Variants in PAK3 observed in about 807,000 individuals in gnomAD.
PAK3 encodes the protein serine/threonine-protein kinase PAK 3.
PAK3 carries 4 observed loss-of-function variants against 41.0 expected under a neutral mutation model. The observed-to-expected ratio is 0.10, with a 90% CI of 0.05 to 0.22. PAK3 has a LOEUF of 0.22. Ranked by LOEUF, PAK3 falls within the 10% of genes least tolerant of loss-of-function variation. The pLI is 1.00. For missense variants in PAK3, 205 were observed against 409.9 expected, an observed-to-expected ratio of 0.50 and a Z score of 4.32; for synonymous variants, 146 against 139.6, an observed-to-expected ratio of 1.05 and a Z score of -0.32.
At chrX:110,987,420 G>T (rs747416030) in intron 1 of PAK3, among the ~76,000 whole-genome samples, 80 of 111,250 alleles carry the variant, frequency 7.2e-4, no homozygotes, top group Admixed American at 2.7e-3. Flanking sequence ...TCCCTTAAAG[G>T]GAACTAGACC....
chrX:111,132,846 G>C (rs139286551), intron 5 of PAK3, among the ~76,000 whole-genome samples: 1,848 of 111,366 alleles, frequency 0.017, 41 homozygotes, highest in African/African-American at 0.056. Flanking sequence ...ATGAGACAAG[G>C]TTCCCTATCC....
intron 8 of PAK3, among the ~76,000 whole-genome samples, chrX:111,161,487 A>T (rs1200807407): frequency 9.1e-6 from 1 of 110,292 alleles, no homozygotes; most frequent in African/African-American, 3.4e-5. Context: ...CCCATTTGTC[A>T]ATTTTGGCTT....
chrX:111,018,123 C>A (rs1381114803), intron 1 of PAK3, among the ~76,000 whole-genome samples: 2 of 111,353 alleles, frequency 1.8e-5, no homozygotes, highest in Non-Finnish European at 3.8e-5. Flanking sequence ...AAACCTACAG[C>A]TAACATCATG....
intron 4 of PAK3, among the ~76,000 whole-genome samples, chrX:111,119,085 G>A (rs1049007253): frequency 1.2e-4 from 13 of 111,134 alleles, no homozygotes; most frequent in African/African-American, 4.3e-4. Context: ...GGGGAGAAAG[G>A]GAGAGAGAAA....
At chrX:111,122,123 G>T (rs1161991511) in intron 4 of PAK3, among the ~76,000 whole-genome samples, 4 of 107,526 alleles carry the variant, frequency 3.7e-5, no homozygotes, top group Admixed American at 2.0e-4. Context: ...GGGCGTGGTG[G>T]TGGGTGCCTG....
At chrX:111,030,165 AAT>A (rs759520320) in intron 1 of PAK3, among the ~76,000 whole-genome samples, 70 of 111,854 alleles carry the variant, frequency 6.3e-4, no homozygotes, top group Non-Finnish European at 1.2e-3. Context: ...TAAATGATAA[AAT>A]ATATGAGTAT....
chrX:110,995,779 C>T (rs986630597), intron 1 of PAK3, among the ~76,000 whole-genome samples: 6 of 111,050 alleles, frequency 5.4e-5, no homozygotes, highest in Non-Finnish European at 9.4e-5. Flanking sequence ...TCCCCTTGCC[C>T]CCTGTGCACC....
intron 1 of PAK3, among the ~76,000 whole-genome samples, chrX:110,985,770 T>C (rs1055095778): frequency 2.7e-5 from 3 of 112,520 alleles, no homozygotes; most frequent in African/African-American, 9.7e-5. Flanking sequence ...TATTTCCTAG[T>C]ATAGAATTAT....
chrX:111,082,953 G>A (rs967101902), intron 1 of PAK3, among the ~76,000 whole-genome samples: 1 of 111,967 alleles, frequency 8.9e-6, no homozygotes, highest in Non-Finnish European at 1.9e-5. Flanking sequence ...GAAAATAAAA[G>A]GTTGTTCATT....
intron 1 of PAK3, among the ~76,000 whole-genome samples, chrX:110,961,822 C>T (rs1602549055): frequency 8.9e-6 from 1 of 112,068 alleles, no homozygotes; most frequent in Non-Finnish European, 1.9e-5. Context: ...CCAGTGATTT[C>T]CCAAGTGACA....
At chrX:111,166,364 C>T (rs1181234682) in intron 10 of PAK3, among the ~76,000 whole-genome samples, 1 of 111,730 alleles carries the variant, frequency 9.0e-6, no homozygotes, top group Non-Finnish European at 1.9e-5. Flanking sequence ...AGTACACTGG[C>T]ACAATCATGG....
intron 1 of PAK3, among the ~76,000 whole-genome samples, chrX:111,084,401 C>T (rs2092861500): frequency 1.8e-5 from 2 of 112,380 alleles, no homozygotes; most frequent in African/African-American, 3.2e-5. Flanking sequence ...TTTCTCTGTG[C>T]TTTATAAGGA....
At chrX:110,948,723 T>G (rs1376175670) in intron 1 of PAK3, among the ~76,000 whole-genome samples, 1 of 110,959 alleles carries the variant, frequency 9.0e-6, no homozygotes, top group Non-Finnish European at 1.9e-5. Flanking sequence ...CGTCAAGACA[T>G]TCGGGTTGCT....
chrX:111,017,152 CACACCT>C (rs2092104648), intron 1 of PAK3, among the ~76,000 whole-genome samples: 1 of 111,443 alleles, frequency 9.0e-6, no homozygotes, highest in South Asian at 3.7e-4. Flanking sequence ...AACCTAACTT[CACACCT>C]TAAGGAATTA....
intron 10 of PAK3, among the ~76,000 whole-genome samples, chrX:111,167,138 C>G (rs141000085): frequency 0.051 from 5,654 of 111,030 alleles, 381 homozygotes; most frequent in African/African-American, 0.18. Flanking sequence ...TATTTTTCAG[C>G]ATAAAAATGG....
At chrX:111,164,097 ACAGT>A (rs765455217) in intron 10 of PAK3, among the ~76,000 whole-genome samples, 8 of 111,696 alleles carry the variant, frequency 7.2e-5, no homozygotes, top group Non-Finnish European at 1.3e-4. Context: ...AAAGCCCAAC[ACAGT>A]CAATCAAAAC....
intron 5 of PAK3, among the ~76,000 whole-genome samples, chrX:111,136,579 T>C (rs2208020): frequency 0.26 from 28,954 of 111,192 alleles, 7,995 homozygotes; most frequent in African/African-American, 0.84. Flanking sequence ...TATTGCCTTG[T>C]TTCAATATTC....
At chrX:111,057,554 A>T (rs1055596078) in intron 1 of PAK3, among the ~76,000 whole-genome samples, 3 of 111,959 alleles carry the variant, frequency 2.7e-5, no homozygotes, top group Non-Finnish European at 3.8e-5. Context: ...ATAATTTCCT[A>T]ATCCTTATAT....
chrX:111,094,070 G>A (rs2092949750), upstream of PAK3, among the ~76,000 whole-genome samples: 1 of 109,639 alleles, frequency 9.1e-6, no homozygotes, highest in Non-Finnish European at 1.9e-5. Context: ...AAACCAGTGG[G>A]ATGTGGTTGC....
Sources: gnomAD v4.1 joint callset for allele counts (sites outside exome capture counted in the v4.1 genomes callset) on GRCh38, gnomAD v4.1.1 for gene constraint, MANE v1.5 for transcripts, NCBI Gene and HGNC (gene_info 2026-07-23, HGNC 2026-07-21) for gene names.